The following PPP6C variants were observed in gnomAD, a reference collection of about 807,000 sequenced individuals.
PPP6C encodes serine/threonine-protein phosphatase 6 catalytic subunit.
PPP6C carries 11 observed loss-of-function variants against 39.8 expected under a neutral mutation model. The observed-to-expected ratio is 0.28, with a 90% CI of 0.17 to 0.46. PPP6C has a LOEUF of 0.46. Ranked by LOEUF, PPP6C falls within the 20% of genes least tolerant of loss-of-function variation. PPP6C has a pLI of 1.00. For missense variants in PPP6C, 211 were observed against 373.9 expected (o/e 0.56, Z 3.59); for synonymous variants, 129 against 130.3 (o/e 0.99, Z 0.07).
At chr9:125,177,653 AGAT>A (rs1829332169) in intron 1 of PPP6C, among the ~76,000 whole-genome samples, 2 of 152,222 alleles carry the variant, frequency 1.3e-5, no homozygotes, top group Non-Finnish European at 2.9e-5. Flanking sequence ...CGTTTGTTAC[AGAT>A]GATGAGCATA....
chr9:125,162,976 G>A (rs1210219700), intron 2 of PPP6C, among the ~76,000 whole-genome samples: 2 of 152,092 alleles, frequency 1.3e-5, no homozygotes, highest in Non-Finnish European at 2.9e-5. Flanking sequence ...TACCTCAGGA[G>A]GCTGAGGCAG....
chr9:125,150,390 T>C (rs1483755110), intron 6 of PPP6C, among the ~76,000 whole-genome samples: 3 of 151,794 alleles, frequency 2.0e-5, no homozygotes, highest in Non-Finnish European at 4.4e-5. Context: ...TTTGACTTCA[T>C]TATGATGCTG....
At chr9:125,153,811 T>G in intron 5 of PPP6C, 69 bp from the exon 6 acceptor site, 1 of 1,533,162 alleles carries the variant, frequency 6.5e-7, no homozygotes, top group Non-Finnish European at 9.0e-7. Context: ...CAGTGAATAC[T>G]AAAGATATCA....
rs1835920386 is a variant in PPP6C, at chr9:125,150,918, T to G, written c.670-997A>C. On this transcript the variant is annotated intron_variant, in intron 6 of 6. Transcript: ENST00000373547. ...GAGCCAGCTTACTGCAGTCATCCCA[T>G]GCTTCCCTTATGCCCAGCAGGATAA... The G allele has an allele frequency of 4.0e-6, 4 of 997,918 alleles. No individual in the cohort carries two copies. In the East Asian group the frequency reaches 9.5e-5, roughly 24 times the overall value. The allele number at this position is 997,918 out of a possible 1,614,324, so 61.8% of individuals were successfully genotyped here.
intron 1 of PPP6C, among the ~76,000 whole-genome samples, chr9:125,186,332 C>A (rs1829530198): frequency 6.6e-6 from 1 of 151,880 alleles, no homozygotes; most frequent in South Asian, 2.1e-4. Context: ...AGATGAGCAA[C>A]ACAACAAATT....
rs60146506 is a variant in PPP6C, at chr9:125,175,410, G to A, written c.76-4230C>T. The stretch of plus-strand genomic sequence containing the variant: ...TCCCAGCACTTTGGGAGGCCGAGGC[G>A]GGTGGATCACGAGGTCAGGAGATCG... On this transcript the variant is annotated intron_variant, in intron 1 of 6. Coordinates refer to ENST00000373547, the MANE Select transcript of PPP6C (RefSeq NM_002721.5). Among the ~76,000 whole-genome samples the A allele has an allele frequency of 6.6e-5, 10 of 151,846 alleles. No homozygotes were observed. In the East Asian group the frequency reaches 1.2e-3, roughly 18 times the overall value.
At position 125,189,753 on chromosome 9, in the gene PPP6C, G is replaced by A. The variant is rs748788972; in HGVS notation, c.-35C>T. ...AACAAGCCGCGGCAACAGCGGCGGC[G>A]GCGGCTGTAGCAGCGGCGGCGGCAG... On this transcript the variant is annotated 5_prime_UTR_variant, in exon 1 of 7. Coordinates refer to ENST00000373547, the MANE Select transcript of PPP6C (RefSeq NM_002721.5). The A allele has an allele frequency of 3.6e-5, 56 of 1,560,394 alleles. No homozygotes were observed. The Middle Eastern group carries it at 7.1e-4, about 20-fold the overall frequency.
intron 1 of PPP6C, among the ~76,000 whole-genome samples, chr9:125,179,670 T>G (rs1385048427): frequency 6.6e-6 from 1 of 151,460 alleles, no homozygotes; most frequent in East Asian, 1.9e-4. Flanking sequence ...TTTTTTTTTT[T>G]TTGGAAACAA....
At chr9:125,161,265 CAAA>C (rs141077907) in intron 2 of PPP6C, among the ~76,000 whole-genome samples, 2,296 of 152,116 alleles carry the variant, frequency 0.015, 108 homozygotes, top group Admixed American at 0.082. Context: ...TTTAATGAGA[CAAA>C]AGATTACAGA....
intron 3 of PPP6C, among the ~76,000 whole-genome samples, chr9:125,159,602 TA>T (rs1828810165): frequency 6.6e-6 from 1 of 152,216 alleles, no homozygotes; most frequent in South Asian, 2.1e-4. Context: ...ACCATAATTA[TA>T]ACAGCGTTCT....
At chr9:125,156,062 T>C (rs965915406) in intron 4 of PPP6C, among the ~76,000 whole-genome samples, 1 of 152,200 alleles carries the variant, frequency 6.6e-6, no homozygotes, top group African/African-American at 2.4e-5. Flanking sequence ...TCATAGTATG[T>C]TATCCAAAAT....
chr9:125,189,552 G>T, intron 1 of PPP6C, 92 bp downstream of exon 1: 1 of 1,587,332 alleles, frequency 6.3e-7, no homozygotes, highest in South Asian at 1.1e-5. Context: ...ACCGCGACTG[G>T]ACTGGATACC....
At chr9:125,163,651 G>A (rs1828939701) in intron 2 of PPP6C, among the ~76,000 whole-genome samples, 1 of 152,008 alleles carries the variant, frequency 6.6e-6, no homozygotes, top group African/African-American at 2.4e-5. Context: ...GGCTGGTCCT[G>A]AACTCCTGAC....
intron 2 of PPP6C, among the ~76,000 whole-genome samples, chr9:125,165,895 C>G (rs1240467373): frequency 6.6e-6 from 1 of 150,474 alleles, no homozygotes; most frequent in African/African-American, 2.4e-5. Context: ...CTCCCAGGTT[C>G]AAGCAATTCT....
At chr9:125,187,810 C>G (rs1269342040) in intron 1 of PPP6C, among the ~76,000 whole-genome samples, 1 of 151,820 alleles carries the variant, frequency 6.6e-6, no homozygotes, top group Non-Finnish European at 1.5e-5. Flanking sequence ...AAAGAAGCCA[C>G]AAAAGGAATG....
chr9:125,181,002 C>T (rs151212519), intron 1 of PPP6C, among the ~76,000 whole-genome samples: 1 of 152,220 alleles, frequency 6.6e-6, no homozygotes, highest in Admixed American at 6.5e-5. Flanking sequence ...CCTACGACTG[C>T]CACCTCTGCT....
intron 2 of PPP6C, among the ~76,000 whole-genome samples, chr9:125,163,672 G>A (rs1431864371): frequency 3.3e-5 from 5 of 151,250 alleles, no homozygotes; most frequent in African/African-American, 7.3e-5. Context: ...CTTGTGATCC[G>A]CCCGCCTCGG....
At chr9:125,151,265 G>A (rs1325737430) in intron 6 of PPP6C, 1 of 1,501,246 alleles carries the variant, frequency 6.7e-7, no homozygotes, top group African/African-American at 1.4e-5. Context: ...TGTGGGAGAT[G>A]TGAAGGATCT....
chr9:125,185,079 TTAAATA>T (rs779646579), intron 1 of PPP6C, among the ~76,000 whole-genome samples: 3 of 152,086 alleles, frequency 2.0e-5, no homozygotes, highest in East Asian at 3.9e-4. Flanking sequence ...ATATTAATAC[TTAAATA>T]TAAGTATTCA....
Sources: gnomAD v4.1 joint callset for allele counts (sites outside exome capture counted in the v4.1 genomes callset) on GRCh38, gnomAD v4.1.1 for gene constraint, MANE v1.5 for transcripts, NCBI Gene and HGNC (gene_info 2026-07-23, HGNC 2026-07-21) for gene names.